Variants in SHB observed in about 807,000 individuals in gnomAD.
SHB encodes SH2 domain-containing adapter protein B.
In SHB, 20 loss-of-function variants were observed where a neutral mutation model predicts 52.3. That is an observed-to-expected ratio of 0.38 (90% CI 0.27 to 0.56). The LOEUF is 0.56. Among genes scored for constraint, SHB ranks in the 20% least tolerant of loss-of-function variants. The pLI is 0.71. For missense variants in SHB, 825 were observed against 723.3 expected, an observed-to-expected ratio of 1.14 and a Z score of -1.61; for synonymous variants, 397 against 316.5, an observed-to-expected ratio of 1.25 and a Z score of -2.70.
intron 3 of SHB, among the ~76,000 whole-genome samples, chr9:37,961,617 T>G (rs1832692912): frequency 6.6e-6 from 1 of 152,258 alleles, no homozygotes; most frequent in Non-Finnish European, 1.5e-5. Context: ...TCCCCAGATC[T>G]ATCATCTGCC....
chr9:37,941,302 C>T (rs1175156863), intron 5 of SHB, among the ~76,000 whole-genome samples: 5 of 152,230 alleles, frequency 3.3e-5, no homozygotes, highest in Non-Finnish European at 7.3e-5. Flanking sequence ...TCACTATATG[C>T]TGGAGCATAT....
At chr9:38,006,537 A>C (rs1587240639) in intron 2 of SHB, among the ~76,000 whole-genome samples, 2 of 152,312 alleles carry the variant, frequency 1.3e-5, no homozygotes, top group Admixed American at 1.3e-4. Context: ...GGGATTCTGA[A>C]ATGCAAGGCT....
At chr9:38,064,818 G>T (rs1587271767) in intron 1 of SHB, among the ~76,000 whole-genome samples, 1 of 152,228 alleles carries the variant, frequency 6.6e-6, no homozygotes, top group Admixed American at 6.5e-5. Flanking sequence ...AGTAAGGCTA[G>T]TTTCTCTTCC....
chr9:38,062,910 G>C (rs1283617734), intron 1 of SHB, among the ~76,000 whole-genome samples: 1 of 152,214 alleles, frequency 6.6e-6, no homozygotes, highest in Non-Finnish European at 1.5e-5. Flanking sequence ...AGCTACAATA[G>C]AGACAGCATG....
chr9:38,055,962 G>A (rs988089733), intron 1 of SHB, among the ~76,000 whole-genome samples: 1 of 152,282 alleles, frequency 6.6e-6, no homozygotes, highest in South Asian at 2.1e-4. Context: ...GCTGTGGTGG[G>A]TAAAGATGAA....
chr9:38,065,491 C>T (rs568426566), intron 1 of SHB, among the ~76,000 whole-genome samples: 1 of 152,282 alleles, frequency 6.6e-6, no homozygotes, highest in Non-Finnish European at 1.5e-5. Context: ...GGTCCCCCAC[C>T]AGGCATGCTC....
At chr9:37,941,600 C>G (rs373549443) in intron 5 of SHB, among the ~76,000 whole-genome samples, 2 of 152,218 alleles carry the variant, frequency 1.3e-5, no homozygotes, top group East Asian at 3.8e-4. Flanking sequence ...AGTACTGTAC[C>G]TGAGCTGCAC....
chr9:38,007,053 C>T (rs1821083559), intron 2 of SHB, among the ~76,000 whole-genome samples: 1 of 152,226 alleles, frequency 6.6e-6, no homozygotes, highest in Admixed American at 6.5e-5. Flanking sequence ...CCTCACTCAA[C>T]TGTTAACTCC....
chr9:37,933,615 C>G (rs1273492299), intron 5 of SHB, among the ~76,000 whole-genome samples: 1 of 152,166 alleles, frequency 6.6e-6, no homozygotes, highest in Non-Finnish European at 1.5e-5. Flanking sequence ...TAAACTCGCC[C>G]TCTAAGAGAT....
rs111969149 is a variant in SHB at position 37,935,784 on chromosome 9, T to C, written c.1346+12851A>G. On this transcript the variant is annotated intron_variant, in intron 5 of 5. Coordinates refer to ENST00000377707, the MANE Select transcript of SHB (RefSeq NM_003028.3). ...CTTCTTAGCCACGATACTCTATGCT[T>C]TTTCTCTACTGAGCCAATTAAAGTA... Among the ~76,000 whole-genome samples the C allele has an allele frequency of 7.9e-3, 1,209 of 152,106 alleles. 16 individuals carry two copies. Among genetic ancestry groups the C allele is most frequent in the African/African-American group, 0.028 (1,144 of 41,458 alleles).
intron 5 of SHB, among the ~76,000 whole-genome samples, chr9:37,930,801 T>C (rs925616927): frequency 4.6e-5 from 7 of 151,980 alleles, no homozygotes; most frequent in African/African-American, 1.5e-4. Flanking sequence ...AGACCCTGAG[T>C]AACCAAAACA....
intron 2 of SHB, among the ~76,000 whole-genome samples, chr9:38,003,955 T>A (rs1277514336): frequency 6.6e-6 from 1 of 152,038 alleles, no homozygotes; most frequent in Non-Finnish European, 1.5e-5. Flanking sequence ...TCTGCTTCTG[T>A]TACTGGGGAG....
In SHB at chr9:38,063,424, G is replaced by C. The variant is rs558582736; in HGVS notation, c.717+4505C>G. Among the ~76,000 whole-genome samples the C allele has an allele frequency of 3.3e-5, 5 of 152,284 alleles. No individual in the cohort carries two copies. In the East Asian group the frequency reaches 7.7e-4, roughly 23 times the overall value. ...CACCACACCTGCCCTGCTGCCCCCA[G>C]CCATCCTCTCCAGCCTCCAGGCCAT... On this transcript the variant is annotated intron_variant, in intron 1 of 5. Transcript: ENST00000377707.
chr9:38,031,419 C>T (rs1318221485), intron 1 of SHB, among the ~76,000 whole-genome samples: 1 of 152,142 alleles, frequency 6.6e-6, no homozygotes, highest in Non-Finnish European at 1.5e-5. Flanking sequence ...AAGCATAGTC[C>T]TTTAAGGTGA....
intron 2 of SHB, among the ~76,000 whole-genome samples, chr9:38,010,830 C>T (rs1464258005): frequency 6.6e-6 from 1 of 152,212 alleles, no homozygotes; most frequent in East Asian, 1.9e-4. Flanking sequence ...GCAGAGGGCC[C>T]AGGGACCACC....
intron 2 of SHB, among the ~76,000 whole-genome samples, chr9:37,986,511 A>T (rs1174498103): frequency 6.6e-6 from 1 of 152,208 alleles, no homozygotes; most frequent in Non-Finnish European, 1.5e-5. Context: ...TTTGTGCTTC[A>T]CATACACAAA....
chr9:38,051,940 G>C (rs1373190596), intron 1 of SHB, among the ~76,000 whole-genome samples: 1 of 152,154 alleles, frequency 6.6e-6, no homozygotes, highest in Non-Finnish European at 1.5e-5. Flanking sequence ...GTTTTTCGAA[G>C]AGCTTCTCCC....
intron 5 of SHB, among the ~76,000 whole-genome samples, chr9:37,932,128 A>G (rs1082864): frequency 0.43 from 64,767 of 151,606 alleles, 14,066 homozygotes; most frequent in Middle Eastern, 0.49. Flanking sequence ...CTAAAAATAC[A>G]AAAATTAGCC....
At chr9:37,964,742 C>T (rs1031416712) in intron 3 of SHB, among the ~76,000 whole-genome samples, 1 of 152,128 alleles carries the variant, frequency 6.6e-6, no homozygotes, top group Non-Finnish European at 1.5e-5. Flanking sequence ...ATAGTAACCA[C>T]AGTGATACAT....
Sources: allele counts gnomAD v4.1 joint callset (sites outside exome capture counted in the v4.1 genomes callset), GRCh38; gene constraint gnomAD v4.1.1; transcripts MANE v1.5; gene names NCBI Gene and HGNC (gene_info 2026-07-23, HGNC 2026-07-21).